Variants in EXT1 observed in about 807,000 individuals in gnomAD.
EXT1 encodes exostosin-1.
Under a neutral mutation model 82.5 loss-of-function variants are expected in EXT1, and 20 were observed. The observed-to-expected ratio is 0.24, with a 90% CI of 0.17 to 0.35. EXT1 has a LOEUF of 0.35. EXT1 is among the 10% of genes least tolerant of loss of function. The pLI, the probability that EXT1 is intolerant of heterozygous loss-of-function variation, is 1.00. For missense variants in EXT1, 757 were observed against 936.5 expected, an observed-to-expected ratio of 0.81 and a Z score of 2.50; for synonymous variants, 348 against 350.8, an observed-to-expected ratio of 0.99 and a Z score of 0.09.
chr8:118,036,791 C>A (rs1816426459), intron 1 of EXT1, among the ~76,000 whole-genome samples: 1 of 152,128 alleles, frequency 6.6e-6, no homozygotes. Context: ...CTTCCTACCC[C>A]CACCATCTAC....
At chr8:117,896,334 A>G (rs1198782049) in intron 1 of EXT1, among the ~76,000 whole-genome samples, 1 of 152,240 alleles carries the variant, frequency 6.6e-6, no homozygotes, top group East Asian at 1.9e-4. Context: ...ATTTCTAAGC[A>G]TCTTTAACAC....
intron 1 of EXT1, among the ~76,000 whole-genome samples, chr8:117,884,904 G>T (rs1813120766): frequency 6.6e-6 from 1 of 152,142 alleles, no homozygotes; most frequent in South Asian, 2.1e-4. Context: ...CAAAGATTTA[G>T]AATCACTTTT....
At chr8:117,912,217 A>G (rs1409920151) in intron 1 of EXT1, among the ~76,000 whole-genome samples, 2 of 152,236 alleles carry the variant, frequency 1.3e-5, no homozygotes, top group Non-Finnish European at 2.9e-5. Flanking sequence ...GTCCTATAGC[A>G]GAGTATACTA....
At chr8:118,107,745 A>G (rs1023309420) in intron 1 of EXT1, among the ~76,000 whole-genome samples, 6 of 152,296 alleles carry the variant, frequency 3.9e-5, no homozygotes, top group African/African-American at 1.4e-4. Flanking sequence ...TGTAAGCACC[A>G]TTTCTCAAAG....
chr8:117,942,347 A>G (rs1440700400), intron 1 of EXT1, among the ~76,000 whole-genome samples: 1 of 152,194 alleles, frequency 6.6e-6, no homozygotes, highest in Non-Finnish European at 1.5e-5. Context: ...TGTAGGGGAA[A>G]GGCAGACCTG....
In EXT1 at chr8:117,949,758, G is replaced by A. The variant is rs79606779; in HGVS notation, c.963-112557C>T. On this transcript the variant is annotated intron_variant, in intron 1 of 10. Transcript: ENST00000378204. ...ATTTAGAAAACGAAAGAGAGAAAAA[G>A]AATCATTCTTGAGGATCTGCTAATC... 9.4e-3 allele frequency among the ~76,000 whole-genome samples: 1,437 copies of A among 152,178 alleles called. 26 individuals are homozygous for A. The highest frequency in any genetic ancestry group is 0.032 in the African/African-American group (1,344 of 41,528).
chr8:117,819,869 G>T, intron 5 of EXT1, 75 bp from the exon 6 acceptor site: 1 of 1,307,622 alleles, frequency 7.6e-7, no homozygotes, highest in Non-Finnish European at 1.1e-6. Flanking sequence ...TCCTTGCTCC[G>T]CTGCCTCATG....
chr8:118,077,824 T>C (rs1467727041), intron 1 of EXT1, among the ~76,000 whole-genome samples: 2 of 152,022 alleles, frequency 1.3e-5, no homozygotes, highest in Non-Finnish European at 2.9e-5. Context: ...TTAACAACAC[T>C]TTCACATTCA....
intron 1 of EXT1, among the ~76,000 whole-genome samples, chr8:117,879,459 CT>C (rs1813025140): frequency 6.6e-6 from 1 of 151,792 alleles, no homozygotes; most frequent in Non-Finnish European, 1.5e-5. Context: ...AAAAGGAACT[CT>C]ATAATGTGGA....
At chr8:117,826,781 TA>T (rs968720186) in intron 4 of EXT1, among the ~76,000 whole-genome samples, 1 of 152,068 alleles carries the variant, frequency 6.6e-6, no homozygotes, top group African/African-American at 2.4e-5. Flanking sequence ...TTTTAGTGTT[TA>T]AAAAAACCCC....
chr8:117,870,072 G>A (rs1812842896), intron 1 of EXT1, among the ~76,000 whole-genome samples: 1 of 151,998 alleles, frequency 6.6e-6, no homozygotes, highest in Non-Finnish European at 1.5e-5. Flanking sequence ...TGTTGTTTCT[G>A]TAGTTTTAAG....
intron 7 of EXT1, among the ~76,000 whole-genome samples, chr8:117,818,146 A>C (rs182827590): frequency 6.0e-4 from 92 of 152,296 alleles, no homozygotes; most frequent in Middle Eastern, 3.4e-3. Context: ...CAGCAACCCT[A>C]CAAGGTATAT....
rs1368926188 is a variant in EXT1 at position 117,812,960 on chromosome 8, A to C, written c.1634T>G (p.Val545Gly). 5 of 1,613,342 alleles carry C rather than the reference A, an allele frequency of 3.1e-6. No homozygotes were observed. The East Asian group carries it at 1.1e-4, about 36-fold the overall frequency. ...GTAGGGCAGAAAACGGCTGCTCATAACCTGGGAGGAAGTAGAAGTAGGCAG... is the reference window on the plus strand; with the variant it reads ...GTAGGGCAGAAAACGGCTGCTCATACCCTGGGAGGAAGTAGAAGTAGGCAG... ...PVVVIEGESKVMSSRFLPYDN... is the reference protein window; with the variant it reads ...PVVVIEGESKGMSSRFLPYDN... Residue 545 changes from valine to glycine, a missense_variant and splice_region_variant, in exon 8 of 11, where the codon GTT (valine) becomes GGT (glycine). By Grantham distance (109) the Val-to-Gly change is moderately radical. Coordinates refer to ENST00000378204, the MANE Select transcript of EXT1 (RefSeq NM_000127.3).
intron 6 of EXT1, 111 bp from the exon 7 acceptor site, chr8:117,818,641 GCAAGA>G (rs2129737397): frequency 1.1e-6 from 1 of 908,606 alleles, no homozygotes; most frequent in East Asian, 2.4e-5. Context: ...GGAAATCTCA[GCAAGA>G]CAAAACGGCA....
chr8:117,850,096 T>C (rs1255782284), intron 1 of EXT1, among the ~76,000 whole-genome samples: 1 of 152,224 alleles, frequency 6.6e-6, no homozygotes, highest in East Asian at 1.9e-4. Context: ...GAATTTGTAA[T>C]GTAGATGGCT....
At chr8:117,933,303 G>C (rs1586293783) in intron 1 of EXT1, among the ~76,000 whole-genome samples, 1 of 150,082 alleles carries the variant, frequency 6.7e-6, no homozygotes, top group East Asian at 2.0e-4. Flanking sequence ...CTGGAGTGCA[G>C]TGGCGCCATT....
At chr8:117,817,340 G>A (rs1470132700) in intron 7 of EXT1, among the ~76,000 whole-genome samples, 7 of 152,096 alleles carry the variant, frequency 4.6e-5, no homozygotes, top group Non-Finnish European at 7.4e-5. Flanking sequence ...ATATCAAATG[G>A]TTCAGCCTAA....
At position 117,848,892 on chromosome 8, in the gene EXT1, C is replaced by A. The variant is rs551740523; in HGVS notation, c.963-11691G>T. Among the ~76,000 whole-genome samples, 26 of 152,290 alleles carry A rather than the reference C, an allele frequency of 1.7e-4. No homozygotes were observed. The South Asian group carries it at 5.2e-3, about 30-fold the overall frequency. ...AAGACAACTTTCAAATGTCACCCCC[C>A]CAGTCTGAACACCCTCCAGTGGCTC... On this transcript the variant is annotated intron_variant, in intron 1 of 10. Coordinates refer to ENST00000378204, the MANE Select transcript of EXT1 (RefSeq NM_000127.3).
chr8:118,008,247 C>G (rs961276764), intron 1 of EXT1, among the ~76,000 whole-genome samples: 1 of 151,214 alleles, frequency 6.6e-6, no homozygotes, highest in Non-Finnish European at 1.5e-5. Context: ...CTAATTTATG[C>G]ATATTATACT....
Sources: gnomAD v4.1 joint callset for allele counts (sites outside exome capture counted in the v4.1 genomes callset) on GRCh38, gnomAD v4.1.1 for gene constraint, MANE v1.5 for transcripts, NCBI Gene and HGNC (gene_info 2026-07-23, HGNC 2026-07-21) for gene names.